Variants in BAD observed in about 807,000 individuals in gnomAD.
BAD encodes BCL2 associated agonist of cell death.
BAD carries 18 observed loss-of-function variants against 17.8 expected under a neutral mutation model. That is an observed-to-expected ratio of 1.01 (90% CI 0.70 to 1.50). BAD has a LOEUF of 1.50. Ranked by LOEUF, BAD falls within the 40% of genes most tolerant of loss-of-function variation. The pLI, the probability that BAD is intolerant of heterozygous loss-of-function variation, is 0.00. For missense variants in BAD, 294 were observed against 239.3 expected (o/e 1.23, Z -1.51); for synonymous variants, 112 against 91.5 (o/e 1.22, Z -1.28).
intron 2 of BAD, among the ~76,000 whole-genome samples, chr11:64,281,256 G>A (rs2033452228): frequency 6.6e-6 from 1 of 152,144 alleles, no homozygotes; most frequent in African/African-American, 2.4e-5. Context: ...GTGAGCCACC[G>A]CGCCCAGCCT....
rs1369565096 is a variant in BAD at position 64,270,072 on chromosome 11, C to T, written c.*137G>A. ...GGCTTCACACGCACCGGAAGGGAAT[C>T]TGGGTCAGCCCTCCCTCCAAAGGAG... is the stretch of plus-strand genomic sequence containing the variant. On this transcript the variant is annotated 3_prime_UTR_variant, in exon 4 of 4. Coordinates refer to ENST00000309032, the MANE Select transcript of BAD (RefSeq NM_032989.3). 1.4e-6 allele frequency: 2 copies of T among 1,438,440 alleles called. No individual in the cohort carries two copies. Among genetic ancestry groups the T allele is most frequent in the Non-Finnish European group, 1.9e-6 (2 of 1,051,030 alleles). 89.1% of individuals were successfully genotyped at this position (1,438,440 alleles called of 1,614,324 possible).
At chr11:64,280,293 C>T (rs1467348271) in intron 2 of BAD, among the ~76,000 whole-genome samples, 1 of 145,750 alleles carries the variant, frequency 6.9e-6, no homozygotes, top group Non-Finnish European at 1.5e-5. Context: ...GCACTCCAGC[C>T]TGGGCGACAG....
At chr11:64,270,622 A>G (rs1591124979) in intron 3 of BAD, 1 of 654,742 alleles carries the variant, frequency 1.5e-6, no homozygotes, top group South Asian at 1.5e-5. Flanking sequence ...CACCCAGAAG[A>G]TGAGACCGCA....
intron 2 of BAD, among the ~76,000 whole-genome samples, chr11:64,279,211 T>A (rs1437071196): frequency 6.6e-6 from 1 of 152,054 alleles, no homozygotes; most frequent in Non-Finnish European, 1.5e-5. Context: ...AATAACTCCA[T>A]CCCAAGCTTC....
intron 1 of BAD, 77 bp downstream of exon 1, chr11:64,284,554 C>T (rs1454823530): frequency 4.0e-6 from 6 of 1,496,724 alleles, no homozygotes; most frequent in Non-Finnish European, 5.3e-6. Flanking sequence ...GCTGTCGGCT[C>T]AGGACCTCAG....
At chr11:64,276,570 A>C (rs2033081587) in intron 2 of BAD, 1 of 196,658 alleles carries the variant, frequency 5.1e-6, no homozygotes, top group Non-Finnish European at 1.0e-5. Flanking sequence ...CAGGCAATCC[A>C]AGTGCCTCGG....
intron 2 of BAD, among the ~76,000 whole-genome samples, chr11:64,283,124 G>T (rs1591181080): frequency 6.6e-6 from 1 of 152,178 alleles, no homozygotes. Flanking sequence ...TCGAGTGTGG[G>T]TGTTTATCCG....
intron 2 of BAD, among the ~76,000 whole-genome samples, chr11:64,273,898 A>G (rs573793404): frequency 6.7e-6 from 1 of 149,924 alleles, no homozygotes; most frequent in East Asian, 2.0e-4. Flanking sequence ...AGGTAGGGAA[A>G]CATGCTGGGT....
intron 1 of BAD, 120 bp downstream of exon 1, chr11:64,284,511 T>C: frequency 1.3e-6 from 2 of 1,557,414 alleles, no homozygotes; most frequent in Non-Finnish European, 1.7e-6. Flanking sequence ...GGCCCTCATC[T>C]GTCTGCCGGG....
intron 2 of BAD, chr11:64,277,060 GAA>G (rs773906788): frequency 2.4e-5 from 17 of 706,540 alleles, no homozygotes; most frequent in African/African-American, 3.5e-5. Context: ...TATAGATGAG[GAA>G]ACAGAGGCAC....
intron 2 of BAD, chr11:64,276,760 G>A (rs2033096067): frequency 3.3e-6 from 2 of 600,000 alleles, no homozygotes; most frequent in Admixed American, 2.8e-5. Context: ...AAGGGAAGGG[G>A]TGTGGCTCCT....
In BAD at chr11:64,284,329, C is replaced by G; in HGVS notation, c.40G>C (p.Asp14His). 1 of 1,612,884 alleles carries G rather than the reference C, an allele frequency of 6.2e-7. No individual in the cohort carries two copies. The highest frequency in any genetic ancestry group is 1.6e-4 in the Middle Eastern group (1 of 6,062). Reference sequence around the variant, plus strand: ...AGGCCCCTCTCTGCAGAGCTGGAGTCTTCCTGCTCACTCGGCTCAAACTCT... The same window carrying G: ...AGGCCCCTCTCTGCAGAGCTGGAGTGTTCCTGCTCACTCGGCTCAAACTCT... ...IPEFEPSEQE[D>H]SSSAERGLGP... Residue 14 changes from aspartate (D) to histidine (H), a missense_variant, in exon 2 of 4, where the codon GAC becomes CAC. Asp to His is a moderately conservative substitution (Grantham distance 81). Coordinates refer to ENST00000309032, the MANE Select transcript of BAD (RefSeq NM_032989.3).
Position 64,269,861 on chromosome 11 carries a change from G to C in BAD, c.*348C>G, listed in dbSNP as rs1307087564. The C allele has an allele frequency of 7.2e-6, 5 of 697,790 alleles. No individual in the cohort carries two copies. The highest frequency in any genetic ancestry group is 1.8e-5 in the African/African-American group (1 of 57,122). The allele number at this position is 697,790 out of a possible 1,614,324, so 43.2% of individuals were successfully genotyped here. On this transcript the variant is annotated 3_prime_UTR_variant, in exon 4 of 4. Transcript: ENST00000309032. Reference sequence around the variant, plus strand: ...ACAGACGCGGGCTTTATTAACATTTGGTAGTGAGCACGGCCCCCAGGGCAT... The same window carrying C: ...ACAGACGCGGGCTTTATTAACATTTCGTAGTGAGCACGGCCCCCAGGGCAT...
chr11:64,270,396 TCTCC>T, intron 3 of BAD, 59 bp from the exon 4 acceptor site: 2 of 1,494,142 alleles, frequency 1.3e-6, no homozygotes, highest in Non-Finnish European at 8.9e-7. Flanking sequence ...CGAGCCAGGC[TCTCC>T]ACTTCCGTGA....
At chr11:64,284,499 T>C in intron 1 of BAD, 123 bp from the exon 2 acceptor site, 1 of 1,574,206 alleles carries the variant, frequency 6.4e-7, no homozygotes, top group Non-Finnish European at 8.6e-7. Context: ...CCAGGCCTCC[T>C]GGGCCCTCAT....
chr11:64,271,644 C>T lies in BAD; in HGVS notation c.347G>A (p.Arg116Lys). The T allele has an allele frequency of 6.6e-7, 1 of 1,504,038 alleles. No homozygotes were observed. The highest frequency in any genetic ancestry group is 8.9e-7 in the Non-Finnish European group (1 of 1,125,928). 93.2% of individuals were successfully genotyped at this position (1,504,038 alleles called of 1,614,324 possible). The change falls in exon 3 of 4, where the codon AGG becomes AAG. Residue 116 changes from arginine (R) to lysine (K), a missense_variant. Arg to Lys is a conservative substitution (Grantham distance 26). Transcript: ENST00000309032. ...AAQRYGRELR[R>K]MSDEFVDSFK... is the part of the protein sequence containing the mutation. ...GGAGTCCACAAACTCGTCACTCATC[C>T]TCCGGAGCTCGCGGCCATAGCGCTG...
intron 2 of BAD, among the ~76,000 whole-genome samples, chr11:64,282,300 A>G (rs893069626): frequency 6.6e-6 from 1 of 152,144 alleles, no homozygotes; most frequent in Non-Finnish European, 1.5e-5. Context: ...CAAGCTCAGG[A>G]AGTTAAAGAA....
At chr11:64,283,408 G>A (rs2033615899) in intron 2 of BAD, among the ~76,000 whole-genome samples, 1 of 152,224 alleles carries the variant, frequency 6.6e-6, no homozygotes, top group Non-Finnish European at 1.5e-5. Flanking sequence ...GCCAGTGCTG[G>A]GCACAGGGGT....
chr11:64,273,068 T>A (rs1402391398), intron 2 of BAD, among the ~76,000 whole-genome samples: 2 of 151,802 alleles, frequency 1.3e-5, no homozygotes, highest in African/African-American at 4.8e-5. Flanking sequence ...TCTATTAATT[T>A]AAAAAATTAA....
Sources: allele counts gnomAD v4.1 joint callset (sites outside exome capture counted in the v4.1 genomes callset), GRCh38; gene constraint gnomAD v4.1.1; transcripts MANE v1.5; gene names NCBI Gene and HGNC (gene_info 2026-07-23, HGNC 2026-07-21).